The following ASTN1 variants were observed in gnomAD, a reference collection of about 807,000 sequenced individuals.
The protein encoded by ASTN1 is astrotactin 1.
A neutral mutation model predicts 140.7 loss-of-function variants in ASTN1; 41 were observed. That is an observed-to-expected ratio of 0.29 (90% CI 0.23 to 0.38). The LOEUF is 0.38. Among genes scored for constraint, ASTN1 ranks in the 10% least tolerant of loss-of-function variants. The pLI, the probability that ASTN1 is intolerant of heterozygous loss-of-function variation, is 1.00. For synonymous variants in ASTN1, 640 were observed against 652.2 expected (o/e 0.98, Z 0.29); for missense variants, 1,479 against 1,678.8 (o/e 0.88, Z 2.08).
intron 16 of ASTN1, among the ~76,000 whole-genome samples, chr1:176,926,572 T>C (rs1300056279): frequency 1.3e-5 from 2 of 152,238 alleles, no homozygotes; most frequent in African/African-American, 4.8e-5. Flanking sequence ...CTCTGCTCAC[T>C]ACAGGGCTTT....
intron 8 of ASTN1, among the ~76,000 whole-genome samples, chr1:177,005,240 AT>A (rs1674934374): frequency 6.6e-6 from 1 of 152,258 alleles, no homozygotes; most frequent in African/African-American, 2.4e-5. Flanking sequence ...GCTCAACATT[AT>A]TAATCATCGG....
At chr1:177,037,312 G>A (rs113440135) in intron 2 of ASTN1, among the ~76,000 whole-genome samples, 7 of 152,284 alleles carry the variant, frequency 4.6e-5, no homozygotes, top group African/African-American at 1.4e-4. Context: ...AGAGAAAGGC[G>A]AGATGCACAT....
chr1:176,867,959 T>TTTCC (rs373950628), intron 22 of ASTN1, among the ~76,000 whole-genome samples: 1 of 151,524 alleles, frequency 6.6e-6, no homozygotes, highest in South Asian at 2.1e-4. Flanking sequence ...TGCTTCCTTC[T>TTTCC]TTCCTTCCTT....
chr1:177,145,242 T>C (rs372030338), intron 1 of ASTN1, among the ~76,000 whole-genome samples: 4 of 152,196 alleles, frequency 2.6e-5, no homozygotes, highest in African/African-American at 4.8e-5. Flanking sequence ...AGTGGCTCTG[T>C]AACAACAGCT....
chr1:177,112,200 C>G (rs559064569), intron 1 of ASTN1, among the ~76,000 whole-genome samples: 41 of 152,278 alleles, frequency 2.7e-4, no homozygotes, highest in African/African-American at 9.1e-4. Context: ...GTTGGGGTCA[C>G]TTAGGTGTTT....
intron 1 of ASTN1, among the ~76,000 whole-genome samples, chr1:177,061,565 T>C (rs76329132): frequency 0.052 from 7,923 of 152,252 alleles, 258 homozygotes; most frequent in South Asian, 0.12. Flanking sequence ...TCTATGATCT[T>C]TTACACAGCT....
chr1:177,061,982 C>T (rs967963674), intron 1 of ASTN1, among the ~76,000 whole-genome samples: 4 of 152,130 alleles, frequency 2.6e-5, no homozygotes, highest in East Asian at 1.9e-4. Context: ...GACTGAGGCA[C>T]GAGACTAGCA....
chr1:177,008,093 G>A (rs1304990283), intron 8 of ASTN1, among the ~76,000 whole-genome samples: 2 of 152,202 alleles, frequency 1.3e-5, no homozygotes, highest in African/African-American at 2.4e-5. Flanking sequence ...TGGAGGGGAC[G>A]ATTCTGTTAA....
At chr1:176,893,895 C>A (rs1381856551) in intron 17 of ASTN1, among the ~76,000 whole-genome samples, 5 of 152,186 alleles carry the variant, frequency 3.3e-5, no homozygotes, top group Non-Finnish European at 5.9e-5. Context: ...CACAGTTCTC[C>A]AGCCCTTCTT....
intron 8 of ASTN1, among the ~76,000 whole-genome samples, chr1:176,979,782 A>G (rs75342834): frequency 0.014 from 2,148 of 152,278 alleles, 52 homozygotes; most frequent in African/African-American, 0.048. Flanking sequence ...TATTAGTGTG[A>G]TATTAGAAAA....
chr1:176,944,079 A>AT (rs35968661), intron 13 of ASTN1, 61 bp from the exon 14 acceptor site: 99,484 of 1,386,302 alleles, frequency 0.072, 617 homozygotes, highest in African/African-American at 0.16. Flanking sequence ...CTTACTGAGC[A>AT]TTTTTTTTTT....
Position 176,993,753 on chromosome 1 carries a change from T to G in ASTN1, c.1523+21038A>C, listed in dbSNP as rs369195993. Among the ~76,000 whole-genome samples, 46 of 152,310 alleles carry G rather than the reference T, an allele frequency of 3.0e-4. No homozygotes were observed. The East Asian group carries it at 4.1e-3, about 13-fold the overall frequency. ...TCTATTTTCTTCTACTATGTATATC[T>G]AAATCTCTCTTTAGGATGCTCCCTC... On this transcript the variant is annotated intron_variant, in intron 8 of 22. Coordinates refer to ENST00000361833, the MANE Select transcript of ASTN1 (RefSeq NM_004319.3).
chr1:176,857,591 G>C, downstream of ASTN1: 4 of 599,796 alleles, frequency 6.7e-6, no homozygotes. Context: ...CCTGGCTGCC[G>C]TCTTCTTCCT....
chr1:177,102,122 T>C (rs16850726), intron 1 of ASTN1, among the ~76,000 whole-genome samples: 4,632 of 152,268 alleles, frequency 0.03, 114 homozygotes, highest in East Asian at 0.1. Flanking sequence ...TTTTGGGACA[T>C]GGACTAATTA....
At chr1:176,939,043 C>T (rs548597312) in intron 14 of ASTN1, among the ~76,000 whole-genome samples, 3 of 151,336 alleles carry the variant, frequency 2.0e-5, no homozygotes, top group South Asian at 2.1e-4. Flanking sequence ...ACCCAGGGGG[C>T]GGAGGTTGCA....
intron 16 of ASTN1, among the ~76,000 whole-genome samples, chr1:176,896,185 C>T (rs963086951): frequency 6.6e-6 from 1 of 152,086 alleles, no homozygotes; most frequent in African/African-American, 2.4e-5. Flanking sequence ...TGTTGTTTCC[C>T]AGAGGAAACA....
At chr1:176,891,081 G>A (rs1479276147) in intron 17 of ASTN1, among the ~76,000 whole-genome samples, 2 of 152,108 alleles carry the variant, frequency 1.3e-5, no homozygotes, top group Non-Finnish European at 2.9e-5. Flanking sequence ...CTGAATCCTG[G>A]GCTGCAGGTA....
intron 9 of ASTN1, among the ~76,000 whole-genome samples, chr1:176,959,160 A>G (rs1378721092): frequency 6.6e-6 from 1 of 152,226 alleles, no homozygotes; most frequent in Non-Finnish European, 1.5e-5. Flanking sequence ...TCGGCATTTC[A>G]AGGGAGAGCT....
chr1:177,038,532 A>G (rs1676833659), intron 2 of ASTN1, among the ~76,000 whole-genome samples: 1 of 152,206 alleles, frequency 6.6e-6, no homozygotes, highest in South Asian at 2.1e-4. Context: ...AAGAGAAGGA[A>G]GAAAAAAGGA....
Sources: gnomAD v4.1 joint callset for allele counts (sites outside exome capture counted in the v4.1 genomes callset) on GRCh38, gnomAD v4.1.1 for gene constraint, MANE v1.5 for transcripts, NCBI Gene and HGNC (gene_info 2026-07-23, HGNC 2026-07-21) for gene names.